INSR: variants seen among roughly 807,000 people sequenced by gnomAD.
The protein encoded by INSR is IR.
In INSR, 67 loss-of-function variants were observed where a neutral mutation model predicts 142.6. The ratio of observed to expected loss-of-function variants is 0.47; its 90% CI spans 0.39 to 0.58. The LOEUF (loss-of-function observed/expected upper bound fraction) is 0.58, where lower values mean the gene tolerates loss of function less well. Ranked by LOEUF, INSR falls within the 20% of genes least tolerant of loss-of-function variation. The pLI is 0.00. For missense variants in INSR, 1,248 were observed against 1,833.2 expected (o/e 0.68, Z 5.83); for synonymous variants, 756 against 743.1 (o/e 1.02, Z -0.28).
At chr19:7,153,026 C>CCACACACACCACA (rs1973426496) in intron 9 of INSR, 99 bp from the exon 10 acceptor site, 1 of 480,030 alleles carries the variant, frequency 2.1e-6, no homozygotes, top group African/African-American at 5.7e-5. Context: ...CACACACACA[C>CCACACACACCACA]CACACACACA....
rs138455229 is a variant in INSR at position 7,284,089 on chromosome 19, G to A, written c.100+9703C>T. Among the ~76,000 whole-genome samples the A allele has an allele frequency of 2.0e-3, 303 of 151,984 alleles. 2 individuals carry two copies. Among genetic ancestry groups the A allele is most frequent in the African/African-American group, 6.8e-3 (283 of 41,478 alleles). On this transcript the variant is annotated intron_variant, in intron 1 of 21. Transcript: ENST00000302850. The stretch of plus-strand genomic sequence containing the variant: ...GTTTTTTTGGGTTTTTTTTGAGACA[G>A]GGTCTCACTCTGTTGCCCAGGCTGG...
intron 2 of INSR, among the ~76,000 whole-genome samples, chr19:7,228,881 G>T (rs1463058470): frequency 6.6e-6 from 1 of 152,060 alleles, no homozygotes; most frequent in Non-Finnish European, 1.5e-5. Flanking sequence ...TGAATAAGTG[G>T]ATGTATGCAT....
chr19:7,267,572 C>T lies in INSR; in HGVS notation c.425G>A (p.Gly142Asp). Residue 142 changes from glycine to aspartate, a missense_variant, in exon 2 of 22, where the codon GGT becomes GAT. Gly to Asp is a moderately conservative substitution (Grantham distance 94). Around this residue, in one of 3 missense-constraint regions of INSR, gnomAD observed 1,069 missense variants for 1,654.0 expected, o/e 0.65. Coordinates refer to ENST00000302850, the MANE Select transcript of INSR (RefSeq NM_000208.4). The surrounding 1 kb of genome is among the most constrained non-coding windows in gnomAD (Gnocchi z 6.3). ...GLYNLMNITR[G>D]SVRIEKNNEL... The stretch of plus-strand genomic sequence containing the variant: ...ATTGTTCTTCTCGATGCGGACAGAA[C>T]CCCGGGTGATGTTCATCAGGTTGTA... 6.2e-7 allele frequency: 1 copy of T among 1,614,074 alleles called. No individual in the cohort carries two copies. The highest frequency in any genetic ancestry group is 8.5e-7 in the Non-Finnish European group (1 of 1,180,024).
chr19:7,205,409 C>T (rs1555751761), intron 2 of INSR, among the ~76,000 whole-genome samples: 1 of 152,170 alleles, frequency 6.6e-6, no homozygotes, highest in Non-Finnish European at 1.5e-5. Flanking sequence ...GAAACCAGAG[C>T]ACCAAATGCC....
chr19:7,242,164 A>G (rs1226125522), intron 2 of INSR, among the ~76,000 whole-genome samples: 9 of 151,254 alleles, frequency 6.0e-5, no homozygotes, highest in Admixed American at 1.3e-4. Flanking sequence ...AAAAAAAAAA[A>G]AAGAAGAAGG....
intron 2 of INSR, among the ~76,000 whole-genome samples, chr19:7,261,320 G>A (rs1401934828): frequency 2.6e-5 from 4 of 152,078 alleles, no homozygotes. Flanking sequence ...CCTATGCCCT[G>A]AGCGCCCCAG....
Position 7,142,921 on chromosome 19 carries a change from G to A in INSR, c.2437C>T (p.Arg813Ter), listed in dbSNP as rs371294434. Residue 813 changes from arginine to a stop codon, truncating the protein, a stop_gained, in exon 12 of 22, where the codon CGA (arginine) becomes TGA (stop). Coordinates refer to ENST00000302850, the MANE Select transcript of INSR (RefSeq NM_000208.4). LOFTEE classifies it high-confidence loss of function. ...NKESLVISGLRHFTGYRIELQ... is the reference protein window; with the variant it reads ...NKESLVISGL ...TCGATGCGATAGCCCGTGAAGTGTC[G>A]CAAGCCGGAGATGACCAGCGACTCC... 7 of 1,613,940 alleles carry A rather than the reference G, an allele frequency of 4.3e-6. No homozygotes were observed. The highest frequency in any genetic ancestry group is 2.2e-5 in the East Asian group (1 of 44,886).
chr19:7,119,440 T>A lies in INSR; in HGVS notation c.3794+9A>T, dbSNP rs1157401864. On this transcript the variant is annotated intron_variant, in intron 21 of 21. Coordinates refer to ENST00000302850, the MANE Select transcript of INSR (RefSeq NM_000208.4). This position sits in a 1 kb window ranked among gnomAD's most constrained non-coding sequence, Gnocchi z 5.2. Reference sequence around the variant, plus strand: ...CACCTCACACACCTTAAACCCTTTCTACACTTACACTCTCTCTGGACAGTT... The same window carrying A: ...CACCTCACACACCTTAAACCCTTTCAACACTTACACTCTCTCTGGACAGTT... 6.2e-7 allele frequency: 1 copy of A among 1,614,206 alleles called. No homozygotes were observed. Among genetic ancestry groups the A allele is most frequent in the East Asian group, 2.2e-5 (1 of 44,886 alleles).
At chr19:7,209,317 G>A (rs561501567) in intron 2 of INSR, among the ~76,000 whole-genome samples, 23 of 152,260 alleles carry the variant, frequency 1.5e-4, no homozygotes, top group African/African-American at 3.9e-4. Context: ...CCAATGCATC[G>A]CTCTCACCTC....
At position 7,216,927 on chromosome 19, in the gene INSR, T is replaced by A. The variant is rs1015062874; in HGVS notation, c.653-32290A>T. ...CCTGGGCTCAAGCAATCCTCCCACC[T>A]CAACCTCCCAAGTAGCTGGGAATAT... On this transcript the variant is annotated intron_variant, in intron 2 of 21. Coordinates refer to ENST00000302850, the MANE Select transcript of INSR (RefSeq NM_000208.4). The surrounding 1 kb of genome is among the most constrained non-coding windows in gnomAD (Gnocchi z 4.2). Among the ~76,000 whole-genome samples the A allele has an allele frequency of 1.2e-4, 18 of 151,784 alleles. No individual in the cohort carries two copies. The highest frequency in any genetic ancestry group is 2.2e-4 in the Non-Finnish European group (15 of 67,984).
At chr19:7,243,791 G>A (rs10421872) in intron 2 of INSR, among the ~76,000 whole-genome samples, 100 of 152,196 alleles carry the variant, frequency 6.6e-4, no homozygotes, top group East Asian at 6.2e-3. Flanking sequence ...CGAATTCAAC[G>A]TTATGCTGAA....
At position 7,216,646 on chromosome 19, in the gene INSR, T is replaced by C. The variant is rs1472797677; in HGVS notation, c.653-32009A>G. The stretch of plus-strand genomic sequence containing the variant: ...AGAAGCCACAGCAAGGCCATCAGGA[T>C]GCTGGGGCCCCGTATCCACCTCTCA... On this transcript the variant is annotated intron_variant, in intron 2 of 21. Transcript: ENST00000302850. The surrounding 1 kb of genome is among the most constrained non-coding windows in gnomAD (Gnocchi z 4.2). 6.6e-6 allele frequency among the ~76,000 whole-genome samples: 1 copy of C among 152,142 alleles called. No homozygotes were observed. The highest frequency in any genetic ancestry group is 1.9e-4 in the East Asian group (1 of 5,196).
In INSR at chr19:7,174,565, C is replaced by G. The variant is rs1297280687; in HGVS notation, c.1123+18G>C. On this transcript the variant is annotated intron_variant, in intron 4 of 21. Transcript: ENST00000302850. ...GGAGCCCAACAGGCACCCCCGACGC[C>G]CACACAGAGACACTCACTGCCTCCT... The G allele has an allele frequency of 6.2e-7, 1 of 1,613,834 alleles. No homozygotes were observed. The highest frequency in any genetic ancestry group is 1.7e-5 in the Admixed American group (1 of 59,974).
At position 7,166,029 on chromosome 19, in the gene INSR, G is replaced by A; in HGVS notation, c.1861+125C>T. On this transcript the variant is annotated intron_variant, in intron 8 of 21. Coordinates refer to ENST00000302850, the MANE Select transcript of INSR (RefSeq NM_000208.4). This position sits in a 1 kb window ranked among gnomAD's most constrained non-coding sequence, Gnocchi z 4.1. ...AGCCTGGGTGACAAAGTAAGACCCT[G>A]TCTAAAAAAAAAAAAAAAGCCAATA... The A allele has an allele frequency of 1.9e-6, 2 of 1,067,298 alleles. No homozygotes were observed. Among genetic ancestry groups the A allele is most frequent in the East Asian group, 2.5e-5 (1 of 39,768 alleles). 66.1% of individuals were successfully genotyped at this position (1,067,298 alleles called of 1,614,324 possible).
At chr19:7,248,017 A>G (rs891440125) in intron 2 of INSR, among the ~76,000 whole-genome samples, 12 of 152,188 alleles carry the variant, frequency 7.9e-5, no homozygotes, top group African/African-American at 2.4e-4. Context: ...AGCAGGACCC[A>G]GACAGGTGCA....
chr19:7,155,924 A>G lies in INSR; in HGVS notation c.2030-2997T>C, dbSNP rs1599920899. 1.3e-5 allele frequency among the ~76,000 whole-genome samples: 2 copies of G among 151,562 alleles called. 1 individual carries two copies. Reference sequence around the variant, plus strand: ...GTGAAATCATGTTGAAGAAGAAGAAAAAGAAAGAAGAAGGAGAAGAAGGAG... The same window carrying G: ...GTGAAATCATGTTGAAGAAGAAGAAGAAGAAAGAAGAAGGAGAAGAAGGAG... On this transcript the variant is annotated intron_variant, in intron 9 of 21. Coordinates refer to ENST00000302850, the MANE Select transcript of INSR (RefSeq NM_000208.4).
chr19:7,157,820 A>G (rs1973636274), intron 9 of INSR, among the ~76,000 whole-genome samples: 1 of 151,892 alleles, frequency 6.6e-6, no homozygotes, highest in Admixed American at 6.6e-5. Flanking sequence ...AGGATAGACA[A>G]TAAGCTCTAA....
chr19:7,193,839 A>AG (rs1381368691), intron 2 of INSR, among the ~76,000 whole-genome samples: 1 of 151,850 alleles, frequency 6.6e-6, no homozygotes, highest in Non-Finnish European at 1.5e-5. Flanking sequence ...ACAGGCGTAC[A>AG]CCACCATGCT....
chr19:7,207,944 A>AGGAAGGAAGGGAG (rs1568487006), intron 2 of INSR, among the ~76,000 whole-genome samples: 1 of 46,378 alleles, frequency 2.2e-5, no homozygotes, highest in South Asian at 6.4e-4. Flanking sequence ...AAGGAAGGGA[A>AGGAAGGAAGGGAG]GGAGGGAGGG....
Sources: gnomAD v4.1 joint callset for allele counts (sites outside exome capture counted in the v4.1 genomes callset) on GRCh38, gnomAD v4.1.1 for gene constraint, gnomAD v4.1.1 regional missense constraint, Gnocchi (gnomAD v3.1) non-coding constraint, MANE v1.5 for transcripts, NCBI Gene and HGNC (gene_info 2026-07-23, HGNC 2026-07-21) for gene names.